The following MYO5B variants were observed in gnomAD, a reference collection of about 807,000 sequenced individuals.
The protein encoded by MYO5B is myosin VB.
A neutral mutation model predicts 229.3 loss-of-function variants in MYO5B; 143 were observed. The observed-to-expected ratio is 0.62, with a 90% CI of 0.54 to 0.72. MYO5B has a LOEUF of 0.72. MYO5B is among the 30% of genes least tolerant of loss of function. The pLI, the probability that MYO5B is intolerant of heterozygous loss-of-function variation, is 0.00. For missense variants in MYO5B, 2,321 were observed against 2,331.0 expected, an observed-to-expected ratio of 1.00 and a Z score of 0.09; for synonymous variants, 918 against 885.2, an observed-to-expected ratio of 1.04 and a Z score of -0.66.
intron 18 of MYO5B, among the ~76,000 whole-genome samples, chr18:49,910,827 T>C (rs2024949498): frequency 6.6e-6 from 1 of 152,160 alleles, no homozygotes; most frequent in South Asian, 2.1e-4. Context: ...AATTAAAATT[T>C]CTGAGGTAAT....
intron 17 of MYO5B, among the ~76,000 whole-genome samples, chr18:49,924,893 A>G (rs1385158178): frequency 6.6e-6 from 1 of 152,176 alleles, no homozygotes; most frequent in Non-Finnish European, 1.5e-5. Flanking sequence ...TTCTCCCACA[A>G]ATTGCCCTCT....
intron 1 of MYO5B, among the ~76,000 whole-genome samples, chr18:50,145,314 C>T (rs12965448): frequency 0.12 from 17,575 of 151,576 alleles, 1,150 homozygotes; most frequent in East Asian, 0.24. Context: ...AGTGAAACCC[C>T]GTCTCTACTA....
At chr18:49,986,328 C>T (rs556531267) in intron 7 of MYO5B, among the ~76,000 whole-genome samples, 6 of 152,342 alleles carry the variant, frequency 3.9e-5, no homozygotes, top group African/African-American at 1.4e-4. Context: ...GCCCATTCCT[C>T]CAAGTCTATT....
chr18:50,189,131 G>A (rs1032860102), intron 1 of MYO5B, among the ~76,000 whole-genome samples: 2 of 152,178 alleles, frequency 1.3e-5, no homozygotes, highest in Non-Finnish European at 2.9e-5. Context: ...TGGGACCATA[G>A]AGGGGCCAAA....
intron 39 of MYO5B, among the ~76,000 whole-genome samples, chr18:49,827,567 T>C (rs1197629459): frequency 6.6e-6 from 1 of 152,062 alleles, no homozygotes; most frequent in Non-Finnish European, 1.5e-5. Context: ...AACCGCAGAC[T>C]TGAGCAGGCA....
intron 5 of MYO5B, among the ~76,000 whole-genome samples, chr18:49,995,512 G>A (rs2025978640): frequency 6.6e-6 from 1 of 151,740 alleles, no homozygotes; most frequent in Non-Finnish European, 1.5e-5. Flanking sequence ...ACCCATCTCG[G>A]GCTCCCAAAG....
chr18:50,110,298 C>T (rs2031842257), intron 1 of MYO5B, among the ~76,000 whole-genome samples: 1 of 152,114 alleles, frequency 6.6e-6, no homozygotes, highest in African/African-American at 2.4e-5. Context: ...CATCTATGCC[C>T]TAAATACTTT....
chr18:49,943,907 A>G (rs188077105), intron 14 of MYO5B, among the ~76,000 whole-genome samples: 9 of 152,312 alleles, frequency 5.9e-5, no homozygotes, highest in Non-Finnish European at 8.8e-5. Context: ...GGAAGTCTGA[A>G]CTGTAGGACA....
intron 7 of MYO5B, among the ~76,000 whole-genome samples, chr18:49,986,257 C>T (rs2025869332): frequency 6.6e-6 from 1 of 152,186 alleles, no homozygotes; most frequent in Admixed American, 6.5e-5. Context: ...GCCTACCTCT[C>T]CTTCCTCACC....
intron 17 of MYO5B, among the ~76,000 whole-genome samples, chr18:49,924,252 T>C (rs2025105844): frequency 6.6e-6 from 1 of 152,190 alleles, no homozygotes; most frequent in African/African-American, 2.4e-5. Context: ...AGCTTCTTGC[T>C]CATATCCCAA....
At chr18:50,095,758 G>T (rs8087386) in intron 1 of MYO5B, among the ~76,000 whole-genome samples, 14,217 of 152,182 alleles carry the variant, frequency 0.093, 1,226 homozygotes, top group African/African-American at 0.23. Flanking sequence ...ACAGTGCAGG[G>T]AGCCTCACTC....
chr18:50,027,411 T>C (rs1395354801), intron 4 of MYO5B, among the ~76,000 whole-genome samples: 1 of 152,154 alleles, frequency 6.6e-6, no homozygotes, highest in Non-Finnish European at 1.5e-5. Context: ...ATTTATGCCT[T>C]ACAGTGACCT....
At chr18:50,064,772 T>C (rs767464487) in intron 1 of MYO5B, among the ~76,000 whole-genome samples, 36 of 152,236 alleles carry the variant, frequency 2.4e-4, no homozygotes, top group Non-Finnish European at 4.6e-4. Flanking sequence ...TAAATATTTA[T>C]GCAGTCTAAG....
rs143295018 is a variant in MYO5B at position 50,050,177 on chromosome 18, A to G, written c.138+5091T>C. On this transcript the variant is annotated intron_variant, in intron 2 of 39. Coordinates refer to ENST00000285039, the MANE Select transcript of MYO5B (RefSeq NM_001080467.3). ...ATTAGGAGACCCAAAAACCAGCATT[A>G]TAAGAACTAAAATGGCCAGCTAAAA... Among the ~76,000 whole-genome samples the G allele has an allele frequency of 2.2e-3, 329 of 152,358 alleles. 1 individual carries two copies. Among genetic ancestry groups the G allele is most frequent in the African/African-American group, 7.4e-3 (307 of 41,588 alleles).
intron 17 of MYO5B, among the ~76,000 whole-genome samples, chr18:49,913,547 C>T (rs925600768): frequency 2.6e-5 from 4 of 152,086 alleles, no homozygotes; most frequent in Admixed American, 1.3e-4. Context: ...TCTCATCTTC[C>T]GAGGCATGTG....
chr18:50,170,069 T>C (rs2032904313), intron 1 of MYO5B, among the ~76,000 whole-genome samples: 1 of 128,162 alleles, frequency 7.8e-6, no homozygotes, highest in African/African-American at 2.9e-5. Context: ...CAGAAGACTA[T>C]GATTCCATTA....
intron 1 of MYO5B, among the ~76,000 whole-genome samples, chr18:50,178,503 A>G (rs1233156125): frequency 6.6e-6 from 1 of 152,044 alleles, no homozygotes; most frequent in Non-Finnish European, 1.5e-5. Context: ...GCAACAACTG[A>G]CCCCCTAGCA....
rs16951598 is a variant in MYO5B, at chr18:50,152,151, C to T, written c.27+42616G>A. Reference sequence around the variant, plus strand: ...TACAGCAGTTTGATTCACAGGCCTTCGTGAAAAGCACAGCCTACTGATCCC... The same window carrying T: ...TACAGCAGTTTGATTCACAGGCCTTTGTGAAAAGCACAGCCTACTGATCCC... On this transcript the variant is annotated intron_variant, in intron 1 of 39. Transcript: ENST00000285039. 8.2e-3 allele frequency among the ~76,000 whole-genome samples: 1,256 copies of T among 152,302 alleles called. 12 individuals carry two copies. Among genetic ancestry groups the T allele is most frequent in the African/African-American group, 0.028 (1,178 of 41,548 alleles).
intron 39 of MYO5B, among the ~76,000 whole-genome samples, chr18:49,828,554 C>A (rs999096320): frequency 3.3e-5 from 5 of 152,096 alleles, no homozygotes; most frequent in African/African-American, 9.7e-5. Context: ...AAATAGAGGC[C>A]ATGAACAACA....
Sources: allele counts gnomAD v4.1 joint callset (sites outside exome capture counted in the v4.1 genomes callset), GRCh38; gene constraint gnomAD v4.1.1; transcripts MANE v1.5; gene names NCBI Gene and HGNC (gene_info 2026-07-23, HGNC 2026-07-21).